The following SVOP variants were observed in gnomAD, a reference collection of about 807,000 sequenced individuals.
SVOP encodes SV2 related protein.
Under a neutral mutation model 69.1 loss-of-function variants are expected in SVOP, and 17 were observed. That is an observed-to-expected ratio of 0.25 (90% CI 0.17 to 0.37). SVOP has a LOEUF of 0.37. Among genes scored for constraint, SVOP ranks in the 10% least tolerant of loss-of-function variants. The probability of loss-of-function intolerance (pLI) is 1.00; values close to 1 mark genes in which losing one functional copy is unlikely to be tolerated. For missense variants in SVOP, 435 were observed against 597.5 expected, an observed-to-expected ratio of 0.73 and a Z score of 2.84; for synonymous variants, 238 against 238.6, an observed-to-expected ratio of 1.00 and a Z score of 0.02.
chr12:108,934,955 C>T (rs1455923212), intron 10 of SVOP, among the ~76,000 whole-genome samples: 1 of 152,220 alleles, frequency 6.6e-6, no homozygotes, highest in Non-Finnish European at 1.5e-5. Flanking sequence ...AATAAAGTTG[C>T]TTTCACATTA....
chr12:108,978,800 A>G, intron 2 of SVOP, 137 bp from the exon 3 acceptor site: 6 of 571,796 alleles, frequency 1.0e-5, no homozygotes, highest in Non-Finnish European at 1.6e-5. Context: ...TCCTAGAAAA[A>G]TATTCCAGTG....
chr12:108,983,304 T>C (rs1283857308), intron 2 of SVOP, among the ~76,000 whole-genome samples: 4 of 151,784 alleles, frequency 2.6e-5, no homozygotes, highest in African/African-American at 9.7e-5. Context: ...ATTGCCACCA[T>C]CATCACCACC....
chr12:108,938,714 T>G (rs2039870740), intron 9 of SVOP, 113 bp downstream of exon 9: 2 of 1,532,714 alleles, frequency 1.3e-6, no homozygotes, highest in African/African-American at 1.4e-5. Flanking sequence ...CACCCCACCT[T>G]GGGTACACAT....
chr12:108,927,625 C>G (rs570604794), intron 11 of SVOP, among the ~76,000 whole-genome samples: 1 of 144,248 alleles, frequency 6.9e-6, no homozygotes, highest in South Asian at 2.2e-4. Context: ...GGCTCTCACT[C>G]TGTTGCCCAG....
At position 108,908,681 on chromosome 12, in the gene SVOP, A is replaced by C. The variant is rs1286674393; in HGVS notation, c.*3854T>G. ...CTGTTCCTTAATTTTAATTATCCTG[A>C]GTAGAATTTCTGTTCCTGGCCACGA... On this transcript the variant is annotated 3_prime_UTR_variant, in exon 16 of 16. Coordinates refer to ENST00000610966, the MANE Select transcript of SVOP (RefSeq NM_018711.5). The C allele has an allele frequency of 3.3e-5, 5 of 152,172 alleles. No homozygotes were observed. Among genetic ancestry groups the C allele is most frequent in the African/African-American group, 1.2e-4 (5 of 41,428 alleles). 9.4% of individuals were successfully genotyped at this position (152,172 alleles called of 1,614,324 possible). A position where few individuals can be genotyped will look rare whatever the true frequency, so the allele number is the denominator to read the frequency against.
intron 5 of SVOP, among the ~76,000 whole-genome samples, chr12:108,964,494 C>A (rs1399438083): frequency 6.6e-6 from 1 of 151,878 alleles, no homozygotes; most frequent in African/African-American, 2.4e-5. Context: ...TGGGAGTTAA[C>A]CCTCCTTCAA....
intron 6 of SVOP, among the ~76,000 whole-genome samples, chr12:108,949,489 C>T (rs1003211759): frequency 1.4e-4 from 22 of 151,982 alleles, no homozygotes; most frequent in Non-Finnish European, 3.1e-4. Flanking sequence ...AGGCTGGTCT[C>T]GAACTCCTGA....
chr12:108,923,649 C>T (rs1288127895), intron 11 of SVOP, among the ~76,000 whole-genome samples: 2 of 152,012 alleles, frequency 1.3e-5, no homozygotes, highest in Non-Finnish European at 2.9e-5. Context: ...TAAGAAACAA[C>T]ACACATTTAT....
chr12:108,924,617 T>C (rs1281603467), intron 11 of SVOP, among the ~76,000 whole-genome samples: 1 of 151,796 alleles, frequency 6.6e-6, no homozygotes, highest in African/African-American at 2.4e-5. Flanking sequence ...CCCCCAAACA[T>C]GGAAATAAAG....
intron 3 of SVOP, 136 bp downstream of exon 3, chr12:108,978,442 T>A: frequency 1.7e-6 from 1 of 583,112 alleles, no homozygotes; most frequent in Non-Finnish European, 3.0e-6. Flanking sequence ...TTACGCCACA[T>A]AAATTTTGTT....
chr12:108,981,587 G>A (rs1173199329), intron 2 of SVOP, among the ~76,000 whole-genome samples: 2 of 152,276 alleles, frequency 1.3e-5, no homozygotes, highest in South Asian at 2.1e-4. Flanking sequence ...TTGCCTGGGC[G>A]TAAATCCAAA....
rs1419232193 is a variant in SVOP, at chr12:108,936,042, A to G, written c.971+1222T>C. ...TATAAATACACACACACACACACACACACACACACACATGTATTTTTGAGA... is the reference window on the plus strand; with the variant it reads ...TATAAATACACACACACACACACACGCACACACACACATGTATTTTTGAGA... On this transcript the variant is annotated intron_variant, in intron 10 of 15. Transcript: ENST00000610966. Among the ~76,000 whole-genome samples, 6 of 151,922 alleles carry G rather than the reference A, an allele frequency of 3.9e-5. No homozygotes were observed. The East Asian group carries it at 1.2e-3, about 29-fold the overall frequency.
chr12:108,931,195 T>C (rs2039815865), intron 11 of SVOP, among the ~76,000 whole-genome samples: 1 of 152,154 alleles, frequency 6.6e-6, no homozygotes, highest in Non-Finnish European at 1.5e-5. Flanking sequence ...GGGACTCCAC[T>C]ACCTCACTCA....
chr12:108,936,023 TACACACAC>T (rs144380662), intron 10 of SVOP, among the ~76,000 whole-genome samples: 4 of 144,542 alleles, frequency 2.8e-5, no homozygotes, highest in East Asian at 2.0e-4. Flanking sequence ...ATAGTATAAA[TACACACAC>T]ACACACACAC....
At chr12:108,985,320 G>C (rs1295557317) in intron 1 of SVOP, among the ~76,000 whole-genome samples, 1 of 151,332 alleles carries the variant, frequency 6.6e-6, no homozygotes, top group Non-Finnish European at 1.5e-5. Context: ...AAATAAAAAA[G>C]GAAGGAAGGA....
intron 2 of SVOP, among the ~76,000 whole-genome samples, chr12:108,979,182 A>G (rs1479017624): frequency 6.6e-6 from 1 of 151,874 alleles, no homozygotes; most frequent in Non-Finnish European, 1.5e-5. Flanking sequence ...TATGAGAATT[A>G]ACTTTCTTCC....
Position 108,912,031 on chromosome 12 carries a change from C to T in SVOP, c.*504G>A. ...AGGGAGGCAAACCGGGGGGCCCCTGCCAGGAAATAGCTGCTCAGACCACAC... is the reference window on the plus strand; with the variant it reads ...AGGGAGGCAAACCGGGGGGCCCCTGTCAGGAAATAGCTGCTCAGACCACAC... On this transcript the variant is annotated 3_prime_UTR_variant, in exon 16 of 16. Transcript: ENST00000610966. 2.5e-6 allele frequency: 1 copy of T among 404,540 alleles called. No homozygotes were observed. Among genetic ancestry groups the T allele is most frequent in the Non-Finnish European group, 3.4e-6 (1 of 298,418 alleles). 25.1% of individuals were successfully genotyped at this position (404,540 alleles called of 1,614,324 possible).
intron 15 of SVOP, 59 bp downstream of exon 15, chr12:108,915,724 C>T (rs1192771320): frequency 5.3e-6 from 8 of 1,523,682 alleles, no homozygotes; most frequent in South Asian, 2.5e-5. Flanking sequence ...GTAGTAACTG[C>T]TTGCCATGCA....
intron 7 of SVOP, among the ~76,000 whole-genome samples, chr12:108,944,037 C>T (rs1039234056): frequency 3.3e-5 from 5 of 152,052 alleles, no homozygotes; most frequent in Non-Finnish European, 7.4e-5. Flanking sequence ...CACCACCACA[C>T]CTGACTAACT....
Sources: gnomAD v4.1 joint callset for allele counts (sites outside exome capture counted in the v4.1 genomes callset) on GRCh38, gnomAD v4.1.1 for gene constraint, MANE v1.5 for transcripts, NCBI Gene and HGNC (gene_info 2026-07-23, HGNC 2026-07-21) for gene names.